The following CPNE4 variants were observed in gnomAD, a reference collection of about 807,000 sequenced individuals.
The protein encoded by CPNE4 is copine 4.
CPNE4 carries 25 observed loss-of-function variants against 67.9 expected under a neutral mutation model. The ratio of observed to expected loss-of-function variants is 0.37; its 90% confidence interval spans 0.27 to 0.51. The LOEUF is 0.51. Among genes scored for constraint, CPNE4 ranks in the 20% least tolerant of loss-of-function variants. The probability of loss-of-function intolerance (pLI) is 0.93; values close to 1 mark genes in which losing one functional copy is unlikely to be tolerated. For missense variants in CPNE4, 464 were observed against 690.8 expected (o/e 0.67, Z 3.68); for synonymous variants, 242 against 244.9 (o/e 0.99, Z 0.11).
At position 132,012,189 on chromosome 3, in the gene CPNE4, T is replaced by A. The variant is rs886781451; in HGVS notation, c.-2+22378A>T. 6.6e-5 allele frequency among the ~76,000 whole-genome samples: 10 copies of A among 151,072 alleles called. 1 individual carries two copies. The highest frequency in any genetic ancestry group is 2.4e-4 in the African/African-American group (10 of 41,132). On this transcript the variant is annotated intron_variant, in intron 1 of 15. Transcript: ENST00000429747. ...TGCTTTTTCGTTTTTTTTTTTTTTT[T>A]AGACAGTCTCGCTCTGTCACCCAGG...
intron 1 of CPNE4, among the ~76,000 whole-genome samples, chr3:131,976,601 A>C (rs2072662156): frequency 6.6e-6 from 1 of 152,156 alleles, no homozygotes; most frequent in Non-Finnish European, 1.5e-5. Context: ...AATTAAGGGA[A>C]GCTCAGGGGG....
At chr3:131,815,404 G>T (rs1409154630) in intron 2 of CPNE4, among the ~76,000 whole-genome samples, 1 of 152,168 alleles carries the variant, frequency 6.6e-6, no homozygotes, top group Admixed American at 6.5e-5. Context: ...CTGACCTCTC[G>T]CATTCACACA....
intron 2 of CPNE4, among the ~76,000 whole-genome samples, chr3:131,740,002 G>A (rs2082321346): frequency 6.6e-6 from 1 of 152,246 alleles, no homozygotes; most frequent in South Asian, 2.1e-4. Context: ...AGAATGGGAA[G>A]AGATACCTCT....
At chr3:131,810,897 C>A (rs1295430752) in intron 2 of CPNE4, among the ~76,000 whole-genome samples, 1 of 151,836 alleles carries the variant, frequency 6.6e-6, no homozygotes, top group Non-Finnish European at 1.5e-5. Context: ...CCTTGATAGA[C>A]CCGAATAGCA....
intron 2 of CPNE4, among the ~76,000 whole-genome samples, chr3:131,813,760 T>C (rs2084625705): frequency 6.6e-6 from 1 of 152,214 alleles, no homozygotes; most frequent in South Asian, 2.1e-4. Context: ...TATGAAGCAT[T>C]GGGTTCTGGG....
At chr3:131,792,869 A>G (rs1052095911) in intron 2 of CPNE4, among the ~76,000 whole-genome samples, 6 of 145,852 alleles carry the variant, frequency 4.1e-5, no homozygotes, top group Admixed American at 7.1e-5. Flanking sequence ...ACACACATAT[A>G]TATTTACAGT....
At chr3:131,636,629 T>G (rs1374266857) in intron 7 of CPNE4, among the ~76,000 whole-genome samples, 1 of 152,128 alleles carries the variant, frequency 6.6e-6, no homozygotes, top group Non-Finnish European at 1.5e-5. Context: ...CTGAGAAACT[T>G]TAATACTTGA....
At chr3:131,827,313 C>A (rs1560410382) in intron 2 of CPNE4, among the ~76,000 whole-genome samples, 1 of 150,842 alleles carries the variant, frequency 6.6e-6, no homozygotes. Flanking sequence ...TGCCTCACTG[C>A]ACACATGACT....
At chr3:131,589,017 G>T (rs750340770) in intron 7 of CPNE4, among the ~76,000 whole-genome samples, 10 of 152,154 alleles carry the variant, frequency 6.6e-5, no homozygotes, top group Non-Finnish European at 1.2e-4. Context: ...GACTCCCTCA[G>T]TACTTCCAAA....
At chr3:131,730,712 T>G (rs1238257238) in intron 2 of CPNE4, among the ~76,000 whole-genome samples, 1 of 152,166 alleles carries the variant, frequency 6.6e-6, no homozygotes, top group Non-Finnish European at 1.5e-5. Context: ...GTGCAATCTC[T>G]TGTTCCTCAG....
At chr3:131,902,957 G>T (rs961690318) in intron 2 of CPNE4, among the ~76,000 whole-genome samples, 1 of 152,082 alleles carries the variant, frequency 6.6e-6, no homozygotes, top group African/African-American at 2.4e-5. Flanking sequence ...GTTAAATTAA[G>T]ATTCCCCAAT....
chr3:131,701,003 C>A (rs1160960587), intron 3 of CPNE4, among the ~76,000 whole-genome samples: 1 of 150,082 alleles, frequency 6.7e-6, no homozygotes, highest in Non-Finnish European at 1.5e-5. Context: ...GACAAAAAAC[C>A]AAACACTGCA....
At chr3:131,953,256 A>AT (rs1560669406) in intron 1 of CPNE4, among the ~76,000 whole-genome samples, 10 of 138,118 alleles carry the variant, frequency 7.2e-5, no homozygotes, top group Non-Finnish European at 1.1e-4. Context: ...AAAAAAAAAA[A>AT]AAAAAAAAAA....
chr3:131,675,315 C>G (rs1478839948), intron 6 of CPNE4, among the ~76,000 whole-genome samples: 4 of 152,078 alleles, frequency 2.6e-5, no homozygotes, highest in Non-Finnish European at 4.4e-5. Flanking sequence ...CTGTAAATAT[C>G]TATTAGGTCC....
Position 132,034,955 on chromosome 3 carries a change from G to C in CPNE4, c.-390C>G. ...GGAAAGGAGGGTGGCAGAAAGAGAA[G>C]GGGACGAGCGGGTGGCGGGGAGATG... On this transcript the variant is annotated 5_prime_UTR_variant, in exon 1 of 16. Transcript: ENST00000429747. 1 of 985,732 alleles carries C rather than the reference G, an allele frequency of 1.0e-6. No homozygotes were observed. The highest frequency in any genetic ancestry group is 1.2e-6 in the Non-Finnish European group (1 of 830,180). The allele number at this position is 985,732 out of a possible 1,614,324, so 61.1% of individuals were successfully genotyped here. A position where few individuals can be genotyped will look rare whatever the true frequency, so the allele number is the denominator to read the frequency against.
chr3:131,680,727 T>G (rs908825310), intron 6 of CPNE4, among the ~76,000 whole-genome samples: 5 of 152,088 alleles, frequency 3.3e-5, no homozygotes, highest in Non-Finnish European at 7.4e-5. Context: ...GTTACATGAG[T>G]AAGTTCTTTA....
intron 15 of CPNE4, chr3:131,537,700 C>A: frequency 1.1e-5 from 2 of 187,132 alleles, no homozygotes; most frequent in South Asian, 1.6e-4. Context: ...GCCCTATGTC[C>A]CTTTCCTCTT....
intron 1 of CPNE4, among the ~76,000 whole-genome samples, chr3:131,978,885 A>T (rs923826074): frequency 6.6e-6 from 1 of 151,486 alleles, no homozygotes; most frequent in Non-Finnish European, 1.5e-5. Flanking sequence ...GTTTTGACAG[A>T]TTGTCATTAT....
At chr3:131,707,035 G>A (rs577530300) in intron 3 of CPNE4, among the ~76,000 whole-genome samples, 11 of 152,276 alleles carry the variant, frequency 7.2e-5, no homozygotes, top group Non-Finnish European at 1.2e-4. Flanking sequence ...AGGATGTATC[G>A]TGGGCCATTG....
Sources: gnomAD v4.1 joint callset for allele counts (sites outside exome capture counted in the v4.1 genomes callset) on GRCh38, gnomAD v4.1.1 for gene constraint, MANE v1.5 for transcripts, NCBI Gene and HGNC (gene_info 2026-07-23, HGNC 2026-07-21) for gene names.